KCNK9: variants seen among roughly 807,000 people sequenced by gnomAD.
The protein encoded by KCNK9 is potassium channel subfamily K member 9.
A neutral mutation model predicts 10.8 loss-of-function variants in KCNK9; 1 was observed. The observed-to-expected ratio is 0.09, with a 90% CI of 0.03 to 0.44. The LOEUF (loss-of-function observed/expected upper bound fraction) is 0.44, where lower values mean the gene tolerates loss of function less well. KCNK9 is among the 20% of genes least tolerant of loss of function. The probability of loss-of-function intolerance (pLI) is 0.97; values close to 1 mark genes in which losing one functional copy is unlikely to be tolerated. For missense variants in KCNK9, 303 were observed against 515.0 expected (o/e 0.59, Z 3.98); for synonymous variants, 231 against 222.7 (o/e 1.04, Z -0.33).
At chr8:139,699,767 C>T (rs1010059611) in intron 1 of KCNK9, among the ~76,000 whole-genome samples, 6 of 152,208 alleles carry the variant, frequency 3.9e-5, no homozygotes, top group Non-Finnish European at 8.8e-5. Context: ...GCCACAGATT[C>T]AACGCAAAGT....
intron 1 of KCNK9, among the ~76,000 whole-genome samples, chr8:139,636,626 G>A (rs988803706): frequency 3.3e-5 from 5 of 152,310 alleles, no homozygotes; most frequent in African/African-American, 9.6e-5. Flanking sequence ...GGACCCCCAG[G>A]AACTCAACTC....
intron 1 of KCNK9, among the ~76,000 whole-genome samples, chr8:139,686,061 T>G (rs1816781250): frequency 6.6e-6 from 1 of 152,224 alleles, no homozygotes; most frequent in African/African-American, 2.4e-5. Context: ...GCTAGCCATA[T>G]GTAGAAAGCT....
chr8:139,694,938 G>A (rs765896959), intron 1 of KCNK9, among the ~76,000 whole-genome samples: 5 of 152,186 alleles, frequency 3.3e-5, no homozygotes, highest in Admixed American at 6.5e-5. Context: ...CCAGCAAACT[G>A]TGAGCTGGAG....
At chr8:139,699,036 C>G (rs757763609) in intron 1 of KCNK9, among the ~76,000 whole-genome samples, 2 of 152,160 alleles carry the variant, frequency 1.3e-5, no homozygotes, top group African/African-American at 2.4e-5. Flanking sequence ...ACGGCTTCCG[C>G]TCCTGCAAAC....
At chr8:139,623,664 A>C (rs1222408971) in intron 1 of KCNK9, among the ~76,000 whole-genome samples, 2 of 151,626 alleles carry the variant, frequency 1.3e-5, no homozygotes, top group African/African-American at 2.4e-5. Context: ...CCCTCCCCCT[A>C]CCCTCCAGGC....
In KCNK9 at chr8:139,644,827, C is replaced by T. The variant is rs559107347; in HGVS notation, c.284-25728G>A. Among the ~76,000 whole-genome samples, 7 of 152,252 alleles carry T rather than the reference C, an allele frequency of 4.6e-5. No homozygotes were observed. In the South Asian group the frequency reaches 6.2e-4, roughly 14 times the overall value. ...CTTCAGGGCCACCTCCGCTGGGCCC[C>T]GGCACTGCCAGCGCACCTCTGCCAA... On this transcript the variant is annotated intron_variant, in intron 1 of 1. Transcript: ENST00000520439.
At chr8:139,610,789 G>A (rs1814400257), downstream of KCNK9, among the ~76,000 whole-genome samples, 1 of 152,248 alleles carries the variant, frequency 6.6e-6, no homozygotes, top group Admixed American at 6.5e-5. Context: ...GGGAGTCAGG[G>A]AAGGTTCTTG....
chr8:139,686,784 G>A (rs1267136537), intron 1 of KCNK9, among the ~76,000 whole-genome samples: 1 of 152,114 alleles, frequency 6.6e-6, no homozygotes, highest in African/African-American at 2.4e-5. Flanking sequence ...TGTGTTTTGT[G>A]TATAACTTTA....
intron 1 of KCNK9, among the ~76,000 whole-genome samples, chr8:139,627,107 A>G (rs373594438): frequency 2.0e-5 from 3 of 152,134 alleles, no homozygotes; most frequent in African/African-American, 7.2e-5. Context: ...GCTTACTATG[A>G]CCTTGGGCAA....
chr8:139,688,203 C>T lies in KCNK9; in HGVS notation c.283+14507G>A, dbSNP rs562710433. Among the ~76,000 whole-genome samples the T allele has an allele frequency of 2.0e-5, 3 of 152,256 alleles. No individual in the cohort carries two copies. In the South Asian group the frequency reaches 6.2e-4, roughly 32 times the overall value. On this transcript the variant is annotated intron_variant, in intron 1 of 1. Coordinates refer to ENST00000520439, the MANE Select transcript of KCNK9 (RefSeq NM_001282534.2). Reference sequence around the variant, plus strand: ...TGAGAGCAAAATAATGGTTTACTTGCTGTACCCCAGCTAATAAAAGGTAGA... The same window carrying T: ...TGAGAGCAAAATAATGGTTTACTTGTTGTACCCCAGCTAATAAAAGGTAGA...
chr8:139,689,791 C>T lies in KCNK9; in HGVS notation c.283+12919G>A, dbSNP rs191967441. ...CCGAATAGCTGGGACTACAGGCGCC[C>T]GCCACCATGCCTGGCTAATTTTTTG... On this transcript the variant is annotated intron_variant, in intron 1 of 1. Coordinates refer to ENST00000520439, the MANE Select transcript of KCNK9 (RefSeq NM_001282534.2). Among the ~76,000 whole-genome samples, 1,161 of 152,042 alleles carry T rather than the reference C, an allele frequency of 7.6e-3. 10 individuals are homozygous for T. Among genetic ancestry groups the T allele is most frequent in the African/African-American group, 0.026 (1,088 of 41,482 alleles).
At chr8:139,603,606 A>G (rs969744758) in intron 2 of KCNK9, among the ~76,000 whole-genome samples, 1 of 152,214 alleles carries the variant, frequency 6.6e-6, no homozygotes, top group Non-Finnish European at 1.5e-5. Context: ...CAAACAGGGT[A>G]TACGGCCAGG....
chr8:139,663,636 C>T lies in KCNK9; in HGVS notation c.283+39074G>A, dbSNP rs117434134. On this transcript the variant is annotated intron_variant, in intron 1 of 1. Coordinates refer to ENST00000520439, the MANE Select transcript of KCNK9 (RefSeq NM_001282534.2). Reference sequence around the variant, plus strand: ...TTCACGTTTTCCCCCCAGGAACAGACGCGCGTGCGCACGTGTGTGTGTGTG... The same window carrying T: ...TTCACGTTTTCCCCCCAGGAACAGATGCGCGTGCGCACGTGTGTGTGTGTG... 7.9e-4 allele frequency among the ~76,000 whole-genome samples: 101 copies of T among 127,336 alleles called. 1 individual carries two copies. In the East Asian group the frequency reaches 0.021, roughly 26 times the overall value. 83.5% of individuals were successfully genotyped at this position (127,336 alleles called of 152,430 possible). A position where few individuals can be genotyped will look rare whatever the true frequency, so the allele number is the denominator to read the frequency against.
In KCNK9 at chr8:139,622,899, G is replaced by A. The variant is rs558881201; in HGVS notation, c.284-3800C>T. 1.1e-4 allele frequency among the ~76,000 whole-genome samples: 16 copies of A among 152,300 alleles called. No homozygotes were observed. The South Asian group carries it at 3.3e-3, about 32-fold the overall frequency. On this transcript the variant is annotated intron_variant, in intron 1 of 1. Transcript: ENST00000520439. ...ACAGTGTACACTTGGAACCTAATGT[G>A]TAGAATAACGGCACATGTGACATAG...
At chr8:139,673,445 C>T (rs984813325) in intron 1 of KCNK9, among the ~76,000 whole-genome samples, 1 of 152,192 alleles carries the variant, frequency 6.6e-6, no homozygotes, top group African/African-American at 2.4e-5. Flanking sequence ...GGCAGCTTAG[C>T]GGCACTGGCT....
chr8:139,604,489 C>A (rs1233099946), intron 2 of KCNK9, among the ~76,000 whole-genome samples: 1 of 152,084 alleles, frequency 6.6e-6, no homozygotes, highest in African/African-American at 2.4e-5. Flanking sequence ...CGCATCTGCA[C>A]GCCATGGAGA....
chr8:139,679,228 C>T (rs1315767975), intron 1 of KCNK9, among the ~76,000 whole-genome samples: 1 of 152,216 alleles, frequency 6.6e-6, no homozygotes, highest in Non-Finnish European at 1.5e-5. Context: ...CAGGTGGGTT[C>T]CCGGAGAGCG....
chr8:139,632,574 C>T (rs1815206371), intron 1 of KCNK9, among the ~76,000 whole-genome samples: 1 of 152,184 alleles, frequency 6.6e-6, no homozygotes, highest in Non-Finnish European at 1.5e-5. Context: ...TGCTGGCCAG[C>T]AGGGTTCCAG....
At chr8:139,626,626 C>T (rs1285116255) in intron 1 of KCNK9, among the ~76,000 whole-genome samples, 3 of 152,158 alleles carry the variant, frequency 2.0e-5, no homozygotes, top group Non-Finnish European at 2.9e-5. Context: ...GGAGCTGGAG[C>T]GGCTGTCATG....
Sources: allele counts gnomAD v4.1 joint callset (sites outside exome capture counted in the v4.1 genomes callset), GRCh38; gene constraint gnomAD v4.1.1; transcripts MANE v1.5; gene names NCBI Gene and HGNC (gene_info 2026-07-23, HGNC 2026-07-21).